Variants in HMCN2 observed in about 807,000 individuals in gnomAD.
The protein encoded by HMCN2 is hemicentin 2.
HMCN2 carries 325 observed loss-of-function variants against 377.5 expected under a neutral mutation model. That is an observed-to-expected ratio of 0.86 (90% CI 0.79 to 0.94). The LOEUF (loss-of-function observed/expected upper bound fraction) is 0.94. HMCN2 is among the 40% of genes least tolerant of loss of function. The pLI, the probability that HMCN2 is intolerant of heterozygous loss-of-function variation, is 0.00. For missense variants in HMCN2, 4,543 were observed against 4,725.3 expected (o/e 0.96, Z 1.13); for synonymous variants, 2,007 against 2,046.8 (o/e 0.98, Z 0.53).
rs76482180 is a variant in HMCN2 at position 130,355,373 on chromosome 9, A to T, written c.5146+329A>T. ...ACTTTCCTAAGGCCGGCTTGTGGGT[A>T]TGGTCCCAGCAGGGCGGGTGGGGCC... On this transcript the variant is annotated intron_variant, in intron 32 of 97. Transcript: ENST00000683500. Among the ~76,000 whole-genome samples, 1,501 of 152,224 alleles carry T rather than the reference A, an allele frequency of 9.9e-3. 19 individuals carry two copies. The highest frequency in any genetic ancestry group is 0.034 in the African/African-American group (1,398 of 41,546).
rs765258115 is a variant in HMCN2 at position 130,414,763 on chromosome 9, C to T, written c.12962-4009C>T. Among the ~76,000 whole-genome samples the T allele has an allele frequency of 5.3e-5, 8 of 152,074 alleles. No individual in the cohort carries two copies. Among genetic ancestry groups the T allele is most frequent in the South Asian group, 2.1e-4 (1 of 4,822 alleles). ...GACTGCAGGCACGTGCCACCACACCCGGCTAATTTTTATTTTTATGTATTT... is the reference window on the plus strand; with the variant it reads ...GACTGCAGGCACGTGCCACCACACCTGGCTAATTTTTATTTTTATGTATTT... On this transcript the variant is annotated intron_variant, in intron 85 of 97. Transcript: ENST00000683500. This position sits in a 1 kb window ranked among gnomAD's most constrained non-coding sequence, Gnocchi z 4.4.
At chr9:130,288,292 C>G (rs6478959) in intron 4 of HMCN2, among the ~76,000 whole-genome samples, 70,951 of 152,040 alleles carry the variant, frequency 0.47, 16,713 homozygotes, top group African/African-American at 0.53. Context: ...TCTGCTGTGA[C>G]AGTCTGGCCG....
chr9:130,432,312 G>C (rs1420322672), intron 96 of HMCN2, 117 bp from the exon 97 acceptor site: 1 of 921,652 alleles, frequency 1.1e-6, no homozygotes, highest in African/African-American at 1.6e-5. Context: ...GGGACAAAGG[G>C]AGAAGGGCTG....
At chr9:130,293,204 T>C (rs1358572666) in intron 4 of HMCN2, among the ~76,000 whole-genome samples, 2 of 149,978 alleles carry the variant, frequency 1.3e-5, no homozygotes, top group African/African-American at 4.9e-5. Context: ...TTATTTGCTT[T>C]ATCCAACAAG....
intron 62 of HMCN2, among the ~76,000 whole-genome samples, chr9:130,390,737 G>C (rs1043419360): frequency 6.6e-6 from 1 of 152,106 alleles, no homozygotes; most frequent in Non-Finnish European, 1.5e-5. Flanking sequence ...GGGGCAGGGC[G>C]GGGAGGGAGA....
chr9:130,407,378 G>T, intron 82 of HMCN2, 193 bp from the exon 83 acceptor site: 1 of 363,558 alleles, frequency 2.8e-6, no homozygotes, highest in South Asian at 2.2e-5. Flanking sequence ...CTGGAAGATG[G>T]TAGAAGGCAG....
chr9:130,363,103 A>T, intron 40 of HMCN2, 113 bp downstream of exon 40: 1 of 863,018 alleles, frequency 1.2e-6, no homozygotes, highest in Non-Finnish European at 1.4e-6. Flanking sequence ...AGGAGTGTCC[A>T]CCTGAGAACA....
At position 130,397,647 on chromosome 9, in the gene HMCN2, G is replaced by A. The variant is rs1301951400; in HGVS notation, c.11318G>A (p.Arg3773Gln). 7.0e-6 allele frequency: 9 copies of A among 1,289,754 alleles called. No individual in the cohort carries two copies. The highest frequency in any genetic ancestry group is 9.1e-6 in the Non-Finnish European group (9 of 988,866). 79.9% of individuals were successfully genotyped at this position (1,289,754 alleles called of 1,614,324 possible). A position where few individuals can be genotyped will look rare whatever the true frequency, so the allele number is the denominator to read the frequency against. Residue 3773 changes from arginine (R) to glutamine (Q), a missense_variant, in exon 74 of 98, where the codon CGG (arginine) becomes CAG (glutamine). Physicochemically the swap from Arg to Gln is conservative, Grantham distance 43 (BLOSUM62 1). Transcript: ENST00000683500. ...TCCGATCGTCAAGGCCGTGACCTAC[G>A]GGTCTTGGGTAGGTGGCCTGGGGAA... Reference protein sequence around the residue: ...AGSDRQGRDLRVLEPPAIAPS... With the variant: ...AGSDRQGRDLQVLEPPAIAPS...
chr9:130,278,372 T>C (rs1281425241), intron 1 of HMCN2, among the ~76,000 whole-genome samples: 4 of 151,608 alleles, frequency 2.6e-5, no homozygotes, highest in South Asian at 2.1e-4. Flanking sequence ...GATCCGCCCG[T>C]CTCGGCCTCC....
chr9:130,400,880 C>T lies in HMCN2; in HGVS notation c.11703C>T (p.Thr3901=), dbSNP rs538884774. ...ACAGCACGGGTATACCAGCTCCGAC[C>T]GTGTCCTGGAGCAAGGCAGGCGCCC... ...TCHSTGIPAP[T]VSWSKAGAQL... is the part of the protein sequence containing the mutation. Residue 3901 remains threonine (T), a synonymous_variant, in exon 77 of 98, where the codon ACC becomes ACT. Transcript: ENST00000683500. 2.0e-5 allele frequency: 26 copies of T among 1,289,538 alleles called. No homozygotes were observed. Among genetic ancestry groups the T allele is most frequent in the African/African-American group, 3.0e-5 (2 of 65,982 alleles). 79.9% of individuals were successfully genotyped at this position (1,289,538 alleles called of 1,614,324 possible).
At chr9:130,429,891 GCCTGCCTGTGCAC>G in intron 94 of HMCN2, 4 of 976,808 alleles carry the variant, frequency 4.1e-6, no homozygotes, top group South Asian at 1.9e-5. Flanking sequence ...CTCACTGGGT[GCCTGCCTGTGCAC>G]CAAAACCTCA....
In HMCN2 at chr9:130,433,421, C is replaced by G; in HGVS notation, c.14968C>G (p.Leu4990Val). 2 of 1,493,322 alleles carry G rather than the reference C, an allele frequency of 1.3e-6. No individual in the cohort carries two copies. The highest frequency in any genetic ancestry group is 1.8e-6 in the Non-Finnish European group (2 of 1,129,708). The allele number at this position is 1,493,322 out of a possible 1,614,324, so 92.5% of individuals were successfully genotyped here. ...TACGCTGCAGTACCGGCTGCTGCCG[C>G]TGCCCCTGGGCGTGCGCGCCCACCA... ...PSTLQYRLLP[L>V]PLGVRAHHDV... Residue 4990 changes from leucine (L) to valine (V), a missense_variant, in exon 98 of 98, where the codon CTG becomes GTG. Leu to Val is a conservative substitution (Grantham distance 32). This residue lies in a region of HMCN2 where 1,155 missense variants were observed against 1,157.7 expected (regional missense o/e 1.00). Coordinates refer to ENST00000683500, the MANE Select transcript of HMCN2 (RefSeq NM_001291815.2).
In HMCN2 at chr9:130,376,649, G is replaced by A. The variant is rs536624061; in HGVS notation, c.8052G>A (p.Lys2684=). 16 of 985,902 alleles carry A rather than the reference G, an allele frequency of 1.6e-5. No homozygotes were observed. In the South Asian group the frequency reaches 5.6e-4, roughly 35 times the overall value. The allele number at this position is 985,902 out of a possible 1,614,324, so 61.1% of individuals were successfully genotyped here. ...AVPPPTIRWY[K]DGQPVTPSSR... is the part of the protein sequence containing the mutation. ...CCCCGCCCACCATCCGCTGGTACAA[G>A]GATGGACAGGTGAGTTTGGGACCCC... The change falls in exon 52 of 98, where the codon AAG becomes AAA. Residue 2684 remains lysine, a synonymous_variant. Coordinates refer to ENST00000683500, the MANE Select transcript of HMCN2 (RefSeq NM_001291815.2).
chr9:130,376,229 C>T (rs1182388432), intron 51 of HMCN2, among the ~76,000 whole-genome samples: 1 of 152,206 alleles, frequency 6.6e-6, no homozygotes, highest in Non-Finnish European at 1.5e-5. Flanking sequence ...CCTGCCACTT[C>T]TGCTTTGGAG....
chr9:130,297,778 G>A (rs144518885), intron 7 of HMCN2, among the ~76,000 whole-genome samples: 2 of 152,286 alleles, frequency 1.3e-5, no homozygotes, highest in African/African-American at 2.4e-5. Flanking sequence ...TTGTTTTGCC[G>A]ATAGCAGAAA....
At chr9:130,324,053 C>T (rs1248461248) in intron 19 of HMCN2, among the ~76,000 whole-genome samples, 20 of 152,186 alleles carry the variant, frequency 1.3e-4, no homozygotes, top group East Asian at 1.9e-4. Context: ...TATCATTTGA[C>T]GATGTTTAGG....
At position 130,265,876 on chromosome 9, in the gene HMCN2, G is replaced by T. The variant is rs12336255; in HGVS notation, c.-3G>T. On this transcript the variant is annotated 5_prime_UTR_variant, in exon 1 of 98. Coordinates refer to ENST00000683500, the MANE Select transcript of HMCN2 (RefSeq NM_001291815.2). ...AGCACCCGCAGCCAGAGCCGCGCTC[G>T]GCATGATGCCCGGGGCGCCGCTCCT... The T allele has an allele frequency of 2.8e-6, 1 of 351,088 alleles. No homozygotes were observed. The highest frequency in any genetic ancestry group is 2.1e-5 in the South Asian group (1 of 47,344). The allele number at this position is 351,088 out of a possible 1,614,324, so 21.7% of individuals were successfully genotyped here. A position where few individuals can be genotyped will look rare whatever the true frequency, so the allele number is the denominator to read the frequency against.
intron 5 of HMCN2, 61 bp downstream of exon 5, chr9:130,295,087 A>G (rs1367860272): frequency 8.2e-6 from 3 of 367,738 alleles, no homozygotes; most frequent in Non-Finnish European, 1.7e-5. Flanking sequence ...GAAGCCCAGG[A>G]TGGGACAAAG....
At position 130,394,563 on chromosome 9, in the gene HMCN2, G is replaced by A; in HGVS notation, c.10680G>A (p.Val3560=). ...GCAGAGCCACACGGGTGCTCCGGGT[G>A]GAGAATGTGCAGGTACCAGTGCCGC... The part of the protein sequence containing the change: ...NNSRATRVLR[V]ENVQVRDAGL... The change falls in exon 69 of 98, where the codon GTG becomes GTA. Residue 3560 remains valine, a synonymous_variant. Transcript: ENST00000683500. This position sits in a 1 kb window ranked among gnomAD's most constrained non-coding sequence, Gnocchi z 5.1. The A allele has an allele frequency of 7.8e-7, 1 of 1,287,792 alleles. No individual in the cohort carries two copies. Among genetic ancestry groups the A allele is most frequent in the Non-Finnish European group, 1.0e-6 (1 of 987,896 alleles). 79.8% of individuals were successfully genotyped at this position (1,287,792 alleles called of 1,614,324 possible). A position where few individuals can be genotyped will look rare whatever the true frequency, so the allele number is the denominator to read the frequency against.
Sources: allele counts gnomAD v4.1 joint callset (sites outside exome capture counted in the v4.1 genomes callset), GRCh38; gene constraint gnomAD v4.1.1; regional missense constraint gnomAD v4.1.1; non-coding constraint Gnocchi (gnomAD v3.1); transcripts MANE v1.5; gene names NCBI Gene and HGNC (gene_info 2026-07-23, HGNC 2026-07-21).